SYNDIG1: variants seen among roughly 807,000 people sequenced by gnomAD.
SYNDIG1 encodes the protein synapse differentiation-inducing gene protein 1.
Under a neutral mutation model 19.4 loss-of-function variants are expected in SYNDIG1, and 9 were observed. The ratio of observed to expected loss-of-function variants is 0.46; its 90% CI spans 0.28 to 0.81. SYNDIG1 has a LOEUF of 0.81. Ranked by LOEUF, SYNDIG1 falls within the 30% of genes least tolerant of loss-of-function variation. The probability of loss-of-function intolerance (pLI) is 0.12; values close to 1 mark genes in which losing one functional copy is unlikely to be tolerated. For synonymous variants in SYNDIG1, 141 were observed against 145.9 expected (o/e 0.97, Z 0.24); for missense variants, 311 against 343.3 (o/e 0.91, Z 0.74).
At chr20:24,661,549 GAGGAAAA>G (rs2059601801) in intron 3 of SYNDIG1, among the ~76,000 whole-genome samples, 166 of 8,834 alleles carry the variant, frequency 0.019, no homozygotes, top group Middle Eastern at 0.17. Flanking sequence ...AGGAGGGAGG[GAGGAAAA>G]AAGAGAGGAA....
At chr20:24,622,040 A>G (rs2059047546) in intron 3 of SYNDIG1, among the ~76,000 whole-genome samples, 2 of 152,234 alleles carry the variant, frequency 1.3e-5, no homozygotes, top group Non-Finnish European at 2.9e-5. Flanking sequence ...CACTGATGAG[A>G]CAAAATAATC....
chr20:24,476,548 T>C (rs2055632152), intron 1 of SYNDIG1, among the ~76,000 whole-genome samples: 1 of 151,928 alleles, frequency 6.6e-6, no homozygotes, highest in Non-Finnish European at 1.5e-5. Flanking sequence ...CGGGCACCTG[T>C]AGTCCCACCT....
At chr20:24,511,396 T>C (rs996356356) in intron 1 of SYNDIG1, among the ~76,000 whole-genome samples, 5 of 152,194 alleles carry the variant, frequency 3.3e-5, no homozygotes, top group African/African-American at 1.2e-4. Context: ...GTTTTCAGCA[T>C]AGAACTTTCC....
intron 1 of SYNDIG1, among the ~76,000 whole-genome samples, chr20:24,524,333 A>G (rs1161568304): frequency 1.3e-5 from 2 of 152,098 alleles, no homozygotes; most frequent in African/African-American, 4.8e-5. Context: ...TTCCTCATCT[A>G]CTGTTACGCT....
intron 1 of SYNDIG1, among the ~76,000 whole-genome samples, chr20:24,503,167 G>C (rs1297789360): frequency 6.6e-6 from 1 of 152,198 alleles, no homozygotes; most frequent in Non-Finnish European, 1.5e-5. Flanking sequence ...GCTCCTTCCT[G>C]AGGACTGTGG....
chr20:24,553,025 C>A (rs1437938002), intron 2 of SYNDIG1, among the ~76,000 whole-genome samples: 2 of 151,754 alleles, frequency 1.3e-5, no homozygotes, highest in Non-Finnish European at 2.9e-5. Flanking sequence ...GATGGTATCT[C>A]ATTGTGGTTT....
chr20:24,553,671 C>G (rs1668308395), intron 2 of SYNDIG1, among the ~76,000 whole-genome samples: 1 of 152,150 alleles, frequency 6.6e-6, no homozygotes, highest in South Asian at 2.1e-4. Flanking sequence ...TCATCTATAT[C>G]TCTGATTTGG....
chr20:24,629,772 G>A (rs1374057038), intron 3 of SYNDIG1, among the ~76,000 whole-genome samples: 1 of 152,238 alleles, frequency 6.6e-6, no homozygotes, highest in African/African-American at 2.4e-5. Flanking sequence ...TAAATGTAAT[G>A]CAGGTTTTGT....
intron 2 of SYNDIG1, among the ~76,000 whole-genome samples, chr20:24,564,729 A>C (rs1487453680): frequency 2.0e-5 from 3 of 152,204 alleles, no homozygotes; most frequent in Non-Finnish European, 2.9e-5. Context: ...GCAGCAGCAG[A>C]AAGAGGTGAG....
At position 24,665,505 on chromosome 20, in the gene SYNDIG1, G is replaced by A. The variant is rs1159417713; in HGVS notation, c.*1G>A. Reference sequence around the variant, plus strand: ...CCTCTCCAAGAACAACCACCTGTGAGCTTCCTGCGAATGGAGGGGGAGCAC... The same window carrying A: ...CCTCTCCAAGAACAACCACCTGTGAACTTCCTGCGAATGGAGGGGGAGCAC... On this transcript the variant is annotated 3_prime_UTR_variant, in exon 4 of 4. Coordinates refer to ENST00000376862, the MANE Select transcript of SYNDIG1 (RefSeq NM_024893.3). 2 of 1,613,868 alleles carry A rather than the reference G, an allele frequency of 1.2e-6. No homozygotes were observed. Among genetic ancestry groups the A allele is most frequent in the African/African-American group, 1.3e-5 (1 of 75,038 alleles).
intron 1 of SYNDIG1, among the ~76,000 whole-genome samples, chr20:24,541,635 G>A (rs2057471039): frequency 6.6e-6 from 1 of 152,198 alleles, no homozygotes; most frequent in South Asian, 2.1e-4. Flanking sequence ...AGTGGTTGAT[G>A]CAGCCCAGAA....
intron 3 of SYNDIG1, among the ~76,000 whole-genome samples, chr20:24,616,430 G>A (rs927303746): frequency 3.3e-5 from 5 of 152,220 alleles, no homozygotes; most frequent in African/African-American, 9.6e-5. Context: ...TGCCTTTGGG[G>A]ATTTTAATTT....
At chr20:24,541,231 G>A (rs760646517) in intron 1 of SYNDIG1, among the ~76,000 whole-genome samples, 10 of 152,070 alleles carry the variant, frequency 6.6e-5, no homozygotes, top group Non-Finnish European at 1.3e-4. Context: ...TCTTTATACC[G>A]TGACAGTCTC....
intron 3 of SYNDIG1, among the ~76,000 whole-genome samples, chr20:24,648,728 T>C (rs2059442929): frequency 6.6e-6 from 1 of 152,168 alleles, no homozygotes; most frequent in South Asian, 2.1e-4. Flanking sequence ...AGCCAAGTGT[T>C]AGAAACGAGT....
chr20:24,621,778 A>G (rs557285322), intron 3 of SYNDIG1, among the ~76,000 whole-genome samples: 7 of 152,288 alleles, frequency 4.6e-5, no homozygotes, highest in African/African-American at 1.4e-4. Context: ...TGAGCTTGAA[A>G]AACCACAAGA....
chr20:24,659,594 G>C (rs1047715858), intron 3 of SYNDIG1, among the ~76,000 whole-genome samples: 13 of 152,218 alleles, frequency 8.5e-5, no homozygotes. Context: ...CTGTGGCCCG[G>C]AAGATGAATA....
intron 2 of SYNDIG1, among the ~76,000 whole-genome samples, chr20:24,544,177 T>C (rs1437089463): frequency 1.3e-5 from 2 of 152,188 alleles, no homozygotes; most frequent in Non-Finnish European, 2.9e-5. Context: ...TGCACAGAGA[T>C]GTACACACTG....
chr20:24,582,125 C>T (rs1228043022), intron 2 of SYNDIG1, among the ~76,000 whole-genome samples: 3 of 139,698 alleles, frequency 2.1e-5, no homozygotes, highest in Admixed American at 2.1e-4. Flanking sequence ...CGTCCTCCCC[C>T]TTCACGTCCT....
At chr20:24,588,741 A>G (rs1043546422) in intron 3 of SYNDIG1, among the ~76,000 whole-genome samples, 2 of 152,040 alleles carry the variant, frequency 1.3e-5, no homozygotes, top group Admixed American at 1.3e-4. Flanking sequence ...GAAGGGAGGG[A>G]TGCCCTGGGT....
Sources: allele counts gnomAD v4.1 joint callset (sites outside exome capture counted in the v4.1 genomes callset), GRCh38; gene constraint gnomAD v4.1.1; transcripts MANE v1.5; gene names NCBI Gene and HGNC (gene_info 2026-07-23, HGNC 2026-07-21).